Variants in ADARB2 observed in about 807,000 individuals in gnomAD.
ADARB2 encodes the protein adenosine deaminase RNA specific B2 (inactive), also known as inactive double-stranded RNA-specific editase B2.
In ADARB2, 25 loss-of-function variants were observed where a neutral mutation model predicts 62.2. That is an observed-to-expected ratio of 0.40 (90% CI 0.29 to 0.56). The LOEUF is 0.56. Among genes scored for constraint, ADARB2 ranks in the 20% least tolerant of loss-of-function variants. The probability of loss-of-function intolerance (pLI) is 0.43; values close to 1 mark genes in which losing one functional copy is unlikely to be tolerated. For missense variants in ADARB2, 1,071 were observed against 1,077.4 expected (o/e 0.99, Z 0.08); for synonymous variants, 572 against 500.8 (o/e 1.14, Z -1.90).
At chr10:1,438,727 C>T (rs1214867993) in intron 1 of ADARB2, among the ~76,000 whole-genome samples, 1 of 151,542 alleles carries the variant, frequency 6.6e-6, no homozygotes, top group Non-Finnish European at 1.5e-5. Flanking sequence ...TGAGTCTCCT[C>T]AGCAGATGGA....
intron 1 of ADARB2, among the ~76,000 whole-genome samples, chr10:1,453,984 G>GTAT (rs1285146285): frequency 6.6e-6 from 1 of 152,160 alleles, no homozygotes; most frequent in Non-Finnish European, 1.5e-5. Flanking sequence ...GTTATATAGT[G>GTAT]TATTGGTCTG....
rs558419447 is a variant in ADARB2 at position 1,413,135 on chromosome 10, G to C, written c.101-33975C>G. Among the ~76,000 whole-genome samples the C allele has an allele frequency of 3.3e-4, 50 of 152,314 alleles. 1 individual carries two copies. In the South Asian group the frequency reaches 0.01, roughly 32 times the overall value. On this transcript the variant is annotated intron_variant, in intron 1 of 9. Coordinates refer to ENST00000381312, the MANE Select transcript of ADARB2 (RefSeq NM_018702.4). ...AGAACGGTCTGCAGGCAGGAGACGG[G>C]TGTTAGAATCCACCCAGGTGGCTGA...
At chr10:1,667,114 A>G (rs575534119) in intron 1 of ADARB2, among the ~76,000 whole-genome samples, 3 of 152,362 alleles carry the variant, frequency 2.0e-5, no homozygotes, top group African/African-American at 7.2e-5. Flanking sequence ...ATTTGCGTAA[A>G]TTGTCCCAAA....
chr10:1,626,722 C>T lies in ADARB2; in HGVS notation c.100+110329G>A, dbSNP rs529999788. Among the ~76,000 whole-genome samples, 9 of 152,312 alleles carry T rather than the reference C, an allele frequency of 5.9e-5. No homozygotes were observed. The South Asian group carries it at 1.0e-3, about 18-fold the overall frequency. ...AGAGGGAAGGTGGCTACACACGTCC[C>T]GGCTTGTCGCTCACCACCTGTTAAC... On this transcript the variant is annotated intron_variant, in intron 1 of 9. Transcript: ENST00000381312.
Position 1,660,962 on chromosome 10 carries a change from A to AC in ADARB2, c.100+76088dup, listed in dbSNP as rs759903187. ...CAGAAACATTCCAACCCTGAGATAA[A>AC]CCCCCCCTCTGACCAGAAACATGCC... On this transcript the variant is annotated intron_variant, in intron 1 of 9. Coordinates refer to ENST00000381312, the MANE Select transcript of ADARB2 (RefSeq NM_018702.4). Among the ~76,000 whole-genome samples the AC allele has an allele frequency of 5.9e-5, 9 of 151,370 alleles. No individual in the cohort carries two copies. The East Asian group carries it at 9.7e-4, about 16-fold the overall frequency.
At chr10:1,495,335 C>T (rs548635051) in intron 1 of ADARB2, among the ~76,000 whole-genome samples, 5 of 152,148 alleles carry the variant, frequency 3.3e-5, no homozygotes, top group Non-Finnish European at 5.9e-5. Context: ...AAGTAGTTCA[C>T]GTTCACATTT....
At chr10:1,521,518 G>T (rs1236307474) in intron 1 of ADARB2, among the ~76,000 whole-genome samples, 1 of 152,202 alleles carries the variant, frequency 6.6e-6, no homozygotes, top group South Asian at 2.1e-4. Context: ...GGAAGTCGGG[G>T]TCAGACATGC....
rs534835607 is a variant in ADARB2, at chr10:1,397,328, G to C, written c.101-18168C>G. On this transcript the variant is annotated intron_variant, in intron 1 of 9. Transcript: ENST00000381312. ...CCATCAGTCTCTCCCCTCCCGAGTG[G>C]AGGCTTCCTGGGTCACCATCAGCCT... Among the ~76,000 whole-genome samples the C allele has an allele frequency of 3.3e-3, 25 of 7,586 alleles. 1 individual carries two copies. The highest frequency in any genetic ancestry group is 7.5e-3 in the African/African-American group (21 of 2,792). The allele number at this position is 7,586 out of a possible 152,430, so 5.0% of individuals were successfully genotyped here. A position where few individuals can be genotyped will look rare whatever the true frequency, so the allele number is the denominator to read the frequency against.
chr10:1,322,625 GA>G (rs1261357971), intron 3 of ADARB2, among the ~76,000 whole-genome samples: 1 of 152,004 alleles, frequency 6.6e-6, no homozygotes, highest in African/African-American at 2.4e-5. Flanking sequence ...TTAAGTGAAG[GA>G]AAAATGGAAA....
chr10:1,216,529 T>G (rs1213086832), intron 7 of ADARB2: 1 of 195,046 alleles, frequency 5.1e-6, no homozygotes, highest in Non-Finnish European at 1.1e-5. Flanking sequence ...CCAGCTGACC[T>G]CAAGGCCTTT....
At chr10:1,558,618 C>G (rs1363790549) in intron 1 of ADARB2, among the ~76,000 whole-genome samples, 185 of 132,328 alleles carry the variant, frequency 1.4e-3, no homozygotes, top group African/African-American at 4.2e-3. Flanking sequence ...CATGCTCCAT[C>G]TAAACTCGAA....
chr10:1,382,247 A>G (rs186779265), intron 1 of ADARB2, among the ~76,000 whole-genome samples: 31 of 152,346 alleles, frequency 2.0e-4, no homozygotes, highest in Admixed American at 1.9e-3. Flanking sequence ...TTCTCTTTCC[A>G]CGAGTGCAGT....
chr10:1,620,824 G>A (rs865906148), intron 1 of ADARB2, among the ~76,000 whole-genome samples: 2 of 152,182 alleles, frequency 1.3e-5, no homozygotes, highest in South Asian at 2.1e-4. Context: ...AAATCACCTA[G>A]TGTAATATAC....
chr10:1,615,509 G>A (rs780043487), intron 1 of ADARB2, among the ~76,000 whole-genome samples: 4 of 152,154 alleles, frequency 2.6e-5, no homozygotes, highest in Admixed American at 6.5e-5. Context: ...TTGTCCACCC[G>A]GGAGAGTGTG....
intron 4 of ADARB2, among the ~76,000 whole-genome samples, chr10:1,267,540 C>G (rs1831217130): frequency 6.6e-6 from 1 of 152,212 alleles, no homozygotes. Context: ...GGCAGGTACC[C>G]TCTGTGAGAT....
chr10:1,654,059 C>T (rs796405778), intron 1 of ADARB2, among the ~76,000 whole-genome samples: 38 of 152,098 alleles, frequency 2.5e-4, no homozygotes, highest in African/African-American at 8.0e-4. Context: ...CTTCAGCATC[C>T]GATGCTCCTG....
At chr10:1,615,475 G>A (rs1224540578) in intron 1 of ADARB2, among the ~76,000 whole-genome samples, 1 of 152,216 alleles carries the variant, frequency 6.6e-6, no homozygotes, top group East Asian at 1.9e-4. Flanking sequence ...ATGTGTCAGG[G>A]TGCACAGCTG....
chr10:1,538,457 A>G (rs994090299), intron 1 of ADARB2, among the ~76,000 whole-genome samples: 1 of 152,192 alleles, frequency 6.6e-6, no homozygotes, highest in Non-Finnish European at 1.5e-5. Flanking sequence ...ATCCCCAAGC[A>G]TCTGGTAGAC....
chr10:1,575,596 G>A (rs1449663986), intron 1 of ADARB2, among the ~76,000 whole-genome samples: 1 of 152,214 alleles, frequency 6.6e-6, no homozygotes, highest in East Asian at 1.9e-4. Context: ...CTGCTCTGAG[G>A]GGCTCTGTGC....
Sources: allele counts gnomAD v4.1 joint callset (sites outside exome capture counted in the v4.1 genomes callset), GRCh38; gene constraint gnomAD v4.1.1; transcripts MANE v1.5; gene names NCBI Gene and HGNC (gene_info 2026-07-23, HGNC 2026-07-21).